CDKAL1: variants seen among roughly 807,000 people sequenced by gnomAD.
CDKAL1 encodes CDKAL1 threonylcarbamoyladenosine tRNA methylthiotransferase, also known as threonylcarbamoyladenosine tRNA methylthiotransferase.
In CDKAL1, 32 loss-of-function variants were observed where a neutral mutation model predicts 68.2. That is an observed-to-expected ratio of 0.47 (90% CI 0.35 to 0.63). The LOEUF (loss-of-function observed/expected upper bound fraction) is 0.63. CDKAL1 is among the 30% of genes least tolerant of loss of function. CDKAL1 has a pLI of 0.00. For synonymous variants in CDKAL1, 234 were observed against 244.3 expected (o/e 0.96, Z 0.39); for missense variants, 606 against 696.7 (o/e 0.87, Z 1.47).
intron 12 of CDKAL1, among the ~76,000 whole-genome samples, chr6:21,106,940 C>CT (rs5874802): frequency 0.46 from 54,041 of 117,208 alleles, 13,773 homozygotes; most frequent in East Asian, 0.68. Context: ...GAGAAAGCCA[C>CT]TTTTTTTTTT....
intron 4 of CDKAL1, among the ~76,000 whole-genome samples, chr6:20,554,224 TTG>T (rs1438541487): frequency 6.6e-6 from 1 of 152,254 alleles, no homozygotes; most frequent in Non-Finnish European, 1.5e-5. Flanking sequence ...GAACAATTAC[TTG>T]TATCGTGGGT....
chr6:20,789,571 T>TA (rs566696881), intron 8 of CDKAL1, among the ~76,000 whole-genome samples: 134 of 152,308 alleles, frequency 8.8e-4, no homozygotes, highest in African/African-American at 3.1e-3. Context: ...ATTACTGATT[T>TA]AAAAAAACAT....
chr6:21,201,562 A>T (rs1562112701), intron 15 of CDKAL1, among the ~76,000 whole-genome samples: 3 of 152,226 alleles, frequency 2.0e-5, no homozygotes, highest in Non-Finnish European at 4.4e-5. Context: ...CCAAAAGATG[A>T]TCTGATCCAG....
chr6:21,183,878 A>G (rs1431502655), intron 13 of CDKAL1, among the ~76,000 whole-genome samples: 8 of 152,076 alleles, frequency 5.3e-5, no homozygotes, highest in East Asian at 3.9e-4. Context: ...AAGCCCCCCA[A>G]CCAACTGAAT....
At chr6:20,799,266 G>C (rs1334811957) in intron 8 of CDKAL1, among the ~76,000 whole-genome samples, 2 of 151,828 alleles carry the variant, frequency 1.3e-5, no homozygotes, top group African/African-American at 4.8e-5. Context: ...TGGTCAGGTT[G>C]GTCTCGAACT....
chr6:21,186,118 C>A (rs2151091626), intron 13 of CDKAL1, among the ~76,000 whole-genome samples: 1 of 152,230 alleles, frequency 6.6e-6, no homozygotes, highest in South Asian at 2.1e-4. Flanking sequence ...ATTCAGTCTT[C>A]TTTAATGAGA....
chr6:20,846,230 T>G, intron 9 of CDKAL1, 52 bp downstream of exon 9: 1 of 1,156,696 alleles, frequency 8.6e-7, no homozygotes, highest in Non-Finnish European at 1.3e-6. Context: ...TAAATTATGT[T>G]AGCCTTCTAA....
chr6:20,843,890 T>A (rs1213410682), intron 8 of CDKAL1, among the ~76,000 whole-genome samples: 2 of 152,146 alleles, frequency 1.3e-5, no homozygotes, highest in Non-Finnish European at 2.9e-5. Flanking sequence ...GGAAGGGTAC[T>A]GATTTAACTT....
intron 9 of CDKAL1, among the ~76,000 whole-genome samples, chr6:20,849,148 C>T (rs1478668377): frequency 5.3e-5 from 8 of 152,118 alleles, no homozygotes; most frequent in African/African-American, 1.9e-4. Flanking sequence ...ATTTGAAATA[C>T]TGCTCTGTTG....
intron 4 of CDKAL1, among the ~76,000 whole-genome samples, chr6:20,581,464 A>G (rs570955875): frequency 2.0e-5 from 3 of 152,218 alleles, no homozygotes; most frequent in Admixed American, 6.5e-5. Flanking sequence ...GGGGCAAACT[A>G]AATATAATTT....
intron 5 of CDKAL1, among the ~76,000 whole-genome samples, chr6:20,723,977 G>A (rs1054737274): frequency 2.0e-5 from 3 of 152,174 alleles, no homozygotes; most frequent in African/African-American, 7.2e-5. Context: ...CTGTCGCTCA[G>A]GCTGGAGTGC....
At chr6:20,600,579 T>G (rs1362688449) in intron 4 of CDKAL1, among the ~76,000 whole-genome samples, 1 of 151,968 alleles carries the variant, frequency 6.6e-6, no homozygotes, top group Non-Finnish European at 1.5e-5. Flanking sequence ...AAACATGAGT[T>G]CTTGAATAGT....
intron 5 of CDKAL1, among the ~76,000 whole-genome samples, chr6:20,716,954 G>A (rs916178890): frequency 2.0e-5 from 3 of 152,018 alleles, no homozygotes; most frequent in South Asian, 4.2e-4. Context: ...GGAGGAAGTC[G>A]GGGGAAGTGT....
chr6:20,675,692 C>T (rs888996590), intron 5 of CDKAL1, among the ~76,000 whole-genome samples: 3 of 152,024 alleles, frequency 2.0e-5, no homozygotes, highest in Non-Finnish European at 1.5e-5. Flanking sequence ...CGTGTACATA[C>T]ATAATACTTG....
At chr6:21,149,975 A>G (rs938107850) in intron 13 of CDKAL1, among the ~76,000 whole-genome samples, 4 of 152,112 alleles carry the variant, frequency 2.6e-5, no homozygotes, top group East Asian at 3.8e-4. Flanking sequence ...CTCCTGCCTC[A>G]GCCTCCCAAG....
At chr6:21,176,696 G>GTTTTTTTTTTTTTT (rs1169908107) in intron 13 of CDKAL1, among the ~76,000 whole-genome samples, 3 of 100,516 alleles carry the variant, frequency 3.0e-5, no homozygotes, top group East Asian at 2.6e-4. Flanking sequence ...TTTTTTTTTT[G>GTTTTTTTTTTTTTT]TTTTTTTTTT....
intron 13 of CDKAL1, among the ~76,000 whole-genome samples, chr6:21,189,140 G>A (rs1246838311): frequency 6.6e-6 from 1 of 152,174 alleles, no homozygotes; most frequent in Non-Finnish European, 1.5e-5. Context: ...ACCAACCAGC[G>A]TGAAGAAAAG....
chr6:20,688,545 T>C (rs1770733308), intron 5 of CDKAL1, among the ~76,000 whole-genome samples: 1 of 152,222 alleles, frequency 6.6e-6, no homozygotes, highest in South Asian at 2.1e-4. Context: ...CTAGTAAGCT[T>C]GTCTAAGTCA....
At chr6:20,748,592 A>T (rs111249476) in intron 6 of CDKAL1, among the ~76,000 whole-genome samples, 27 of 139,970 alleles carry the variant, frequency 1.9e-4, no homozygotes, top group African/African-American at 7.1e-4. Context: ...AAAAAAAAAA[A>T]AAAGCTATAG....
Sources: allele counts gnomAD v4.1 joint callset (sites outside exome capture counted in the v4.1 genomes callset), GRCh38; gene constraint gnomAD v4.1.1; transcripts MANE v1.5; gene names NCBI Gene and HGNC (gene_info 2026-07-23, HGNC 2026-07-21).